The following GKN2 variants were observed in gnomAD, a reference collection of about 807,000 sequenced individuals.
GKN2 encodes gastrokine 2.
Under a neutral mutation model 22.7 loss-of-function variants are expected in GKN2, and 17 were observed. The observed-to-expected ratio is 0.75, with a 90% confidence interval of 0.51 to 1.13. The LOEUF (loss-of-function observed/expected upper bound fraction) is 1.13, where lower values mean the gene tolerates loss of function less well. Ranked by LOEUF, GKN2 falls within the 50% of genes most tolerant of loss-of-function variation. GKN2 has a pLI of 0.00. For synonymous variants in GKN2, 82 were observed against 79.6 expected (o/e 1.03, Z -0.16); for missense variants, 248 against 221.4 (o/e 1.12, Z -0.76).
chr2:68,947,918 C>T (rs922391065), intron 3 of GKN2, among the ~76,000 whole-genome samples: 1 of 152,116 alleles, frequency 6.6e-6, no homozygotes, highest in African/African-American at 2.4e-5. Flanking sequence ...TCTGCTTCCT[C>T]CCCAGTTTGG....
At chr2:68,950,849 A>C in intron 1 of GKN2, 94 bp from the exon 2 acceptor site, 216 of 1,242,332 alleles carry the variant, frequency 1.7e-4, no homozygotes, top group Non-Finnish European at 2.4e-4. Context: ...CAGATATCTC[A>C]GAAAATGTAC....
At chr2:68,947,484 T>C (rs978871949) in intron 3 of GKN2, among the ~76,000 whole-genome samples, 2 of 152,242 alleles carry the variant, frequency 1.3e-5, no homozygotes, top group African/African-American at 2.4e-5. Flanking sequence ...AACCCATGAC[T>C]ATATTCTGCT....
At chr2:68,948,779 A>G (rs1015635252) in intron 3 of GKN2, among the ~76,000 whole-genome samples, 46 of 152,184 alleles carry the variant, frequency 3.0e-4, no homozygotes, top group Non-Finnish European at 6.2e-4. Context: ...TCTGGTTCTT[A>G]TTTTTCAATT....
intron 1 of GKN2, among the ~76,000 whole-genome samples, chr2:68,951,879 C>A (rs1170255562): frequency 1.3e-5 from 2 of 152,218 alleles, no homozygotes; most frequent in Non-Finnish European, 2.9e-5. Flanking sequence ...TCCCTTCCAA[C>A]ACTGTGGTTA....
chr2:68,946,304 G>A lies in GKN2; in HGVS notation c.472C>T (p.His158Tyr), dbSNP rs376553509. The change falls in exon 5 of 6, where the codon CAT (histidine) becomes TAT (tyrosine). Residue 158 changes from histidine (H) to tyrosine (Y), a missense_variant and splice_region_variant. Coordinates refer to ENST00000328895, the MANE Select transcript of GKN2 (RefSeq NM_182536.3). Reference sequence around the variant, plus strand: ...GAGTGAATGACTTATTGGTACTCACGTGTGTTTTCAACCACTTCCCCCTTA... The same window carrying A: ...GAGTGAATGACTTATTGGTACTCACATGTGTTTTCAACCACTTCCCCCTTA... The part of the protein sequence containing the change: ...LYKGEVVENT[H>Y]NVGAGGCAKA... 85 of 1,605,336 alleles carry A rather than the reference G, an allele frequency of 5.3e-5. No homozygotes were observed. Among genetic ancestry groups the A allele is most frequent in the Middle Eastern group, 1.7e-4 (1 of 6,034 alleles).
At chr2:68,950,892 G>C (rs953162107) in intron 1 of GKN2, 137 bp from the exon 2 acceptor site, 2 of 790,098 alleles carry the variant, frequency 2.5e-6, no homozygotes, top group African/African-American at 3.4e-5. Flanking sequence ...CAGATGGTCA[G>C]CACTCCCTTT....
chr2:68,952,267 G>A (rs1338231601), intron 1 of GKN2, among the ~76,000 whole-genome samples: 1 of 152,152 alleles, frequency 6.6e-6, no homozygotes, highest in African/African-American at 2.4e-5. Context: ...GCCTGCAAGT[G>A]GGGATTCAGA....
At position 68,947,159 on chromosome 2, in the gene GKN2, G is replaced by C. The variant is rs1451597907; in HGVS notation, c.303C>G (p.Ile101Met). The change falls in exon 4 of 6, where the codon ATC becomes ATG. Residue 101 changes from isoleucine to methionine, a missense_variant. Coordinates refer to ENST00000328895, the MANE Select transcript of GKN2 (RefSeq NM_182536.3). ...IPPLNNLQWYIYEKQALDNMF... is the reference protein window; with the variant it reads ...IPPLNNLQWYMYEKQALDNMF... ...GCCCCAGAATTACCTGTTTCTCATAGATGTACCATTGGAGATTGTTCAGAG... is the reference window on the plus strand; with the variant it reads ...GCCCCAGAATTACCTGTTTCTCATACATGTACCATTGGAGATTGTTCAGAG... The C allele has an allele frequency of 6.2e-7, 1 of 1,606,074 alleles. No homozygotes were observed. The highest frequency in any genetic ancestry group is 1.7e-5 in the Admixed American group (1 of 60,006).
intron 1 of GKN2, among the ~76,000 whole-genome samples, chr2:68,951,175 T>A (rs1669849458): frequency 6.6e-6 from 1 of 152,152 alleles, no homozygotes; most frequent in Non-Finnish European, 1.5e-5. Flanking sequence ...TAATTAATTT[T>A]AAAAAACTTT....
chr2:68,950,621 T>C lies in GKN2; in HGVS notation c.66+81A>G, dbSNP rs538025923. 34 of 1,251,312 alleles carry C rather than the reference T, an allele frequency of 2.7e-5. No homozygotes were observed. The South Asian group carries it at 3.3e-4, about 12-fold the overall frequency. 77.5% of individuals were successfully genotyped at this position (1,251,312 alleles called of 1,614,324 possible). On this transcript the variant is annotated intron_variant, in intron 2 of 5. Transcript: ENST00000328895. ...TCCCAAATAAGGCATATGGCCTCTC[T>C]ACTGTCTTCAGGCTCTCTTGTACCT...
chr2:68,948,243 C>CAAAAAA (rs765228049), intron 3 of GKN2, among the ~76,000 whole-genome samples: 1 of 37,974 alleles, frequency 2.6e-5, no homozygotes, highest in African/African-American at 7.5e-5. Flanking sequence ...GAGACTCCGT[C>CAAAAAA]AAAAAAAAAA....
Position 68,950,270 on chromosome 2 carries a change from T to G in GKN2, c.67-7A>C, listed in dbSNP as rs376313281. On this transcript the variant is annotated splice_region_variant and splice_polypyrimidine_tract_variant and intron_variant, in intron 2 of 5. Transcript: ENST00000328895. ...GGCTGATGATGTTAAAAACCTAGAT[T>G]GAAAAGAAAGACAAAATGTTTTTCC... 5.6e-6 allele frequency: 9 copies of G among 1,599,170 alleles called. No homozygotes were observed. The African/African-American group carries it at 1.2e-4, about 22-fold the overall frequency.
chr2:68,948,831 G>A (rs1669812747), intron 3 of GKN2, among the ~76,000 whole-genome samples: 1 of 152,178 alleles, frequency 6.6e-6, no homozygotes, highest in African/African-American at 2.4e-5. Context: ...AATAGACAGA[G>A]GCTGAGCCTG....
intron 4 of GKN2, among the ~76,000 whole-genome samples, chr2:68,946,755 C>T (rs1344468862): frequency 6.6e-6 from 1 of 152,132 alleles, no homozygotes; most frequent in Non-Finnish European, 1.5e-5. Flanking sequence ...AGCCGCAGTG[C>T]ACTGTTTGTA....
intron 5 of GKN2, 156 bp downstream of exon 5, chr2:68,946,148 C>T (rs1669761366): frequency 1.8e-6 from 1 of 555,534 alleles, no homozygotes; most frequent in Non-Finnish European, 3.0e-6. Context: ...TAAAATTTAG[C>T]ACAATTTACA....
At chr2:68,946,575 G>C in intron 4 of GKN2, 115 bp from the exon 5 acceptor site, 1 of 817,764 alleles carries the variant, frequency 1.2e-6, no homozygotes, top group Non-Finnish European at 1.8e-6. Context: ...AAGAACTTAG[G>C]GATCTCAAGA....
chr2:68,947,106 G>A, intron 4 of GKN2, 41 bp downstream of exon 4: 1 of 1,231,084 alleles, frequency 8.1e-7, no homozygotes, highest in Non-Finnish European at 1.2e-6. Context: ...AGTATTGCCT[G>A]GCTTAAGAAC....
At chr2:68,951,291 C>CA in intron 1 of GKN2, among the ~76,000 whole-genome samples, 1 of 152,242 alleles carries the variant, frequency 6.6e-6, no homozygotes, top group Admixed American at 6.5e-5. Context: ...CTTGGGAGCA[C>CA]AATTAACTTT....
chr2:68,949,690 G>T (rs527664756), intron 3 of GKN2, among the ~76,000 whole-genome samples: 1 of 152,184 alleles, frequency 6.6e-6, no homozygotes, highest in Admixed American at 6.5e-5. Context: ...AAAGTGCTGG[G>T]ATTACAGGCA....
Sources: allele counts gnomAD v4.1 joint callset (sites outside exome capture counted in the v4.1 genomes callset), GRCh38; gene constraint gnomAD v4.1.1; transcripts MANE v1.5; gene names NCBI Gene and HGNC (gene_info 2026-07-23, HGNC 2026-07-21).